ENPP3: variants seen among roughly 807,000 people sequenced by gnomAD.
ENPP3 encodes the protein ectonucleotide pyrophosphatase/phosphodiesterase family member 3.
In ENPP3, 104 loss-of-function variants were observed where a neutral mutation model predicts 117.8. The observed-to-expected ratio is 0.88, with a 90% CI of 0.75 to 1.04. The LOEUF (loss-of-function observed/expected upper bound fraction) is 1.04. ENPP3 is among the 50% of genes least tolerant of loss of function. The pLI is 0.00. For missense variants in ENPP3, 1,026 were observed against 1,051.9 expected, an observed-to-expected ratio of 0.98 and a Z score of 0.34; for synonymous variants, 380 against 349.9, an observed-to-expected ratio of 1.09 and a Z score of -0.96.
intron 15 of ENPP3, among the ~76,000 whole-genome samples, chr6:131,714,824 C>T (rs184049068): frequency 9.6e-4 from 144 of 150,608 alleles, no homozygotes; most frequent in African/African-American, 3.2e-3. Context: ...CATCTTGTTT[C>T]GGCAATTAAA....
At chr6:131,685,525 A>C in intron 13 of ENPP3, 30 bp downstream of exon 13, 2 of 1,603,834 alleles carry the variant, frequency 1.2e-6, no homozygotes, top group Non-Finnish European at 8.5e-7. Context: ...TATGAAAAAA[A>C]GGGTAAACCT....
intron 14 of ENPP3, 29 bp downstream of exon 14, chr6:131,685,936 A>G (rs1253200959): frequency 1.4e-6 from 1 of 697,868 alleles, no homozygotes; most frequent in Non-Finnish European, 2.5e-6. Context: ...TAATACATAT[A>G]TTTAAGTTAA....
chr6:131,720,212 A>C lies in ENPP3; in HGVS notation c.1480-80A>C, dbSNP rs188963084. The C allele has an allele frequency of 2.1e-3, 1,716 of 817,858 alleles. 43 individuals are homozygous for C. The Admixed American group carries it at 0.037, about 18-fold the overall frequency. 50.7% of individuals were successfully genotyped at this position (817,858 alleles called of 1,614,324 possible). On this transcript the variant is annotated intron_variant, in intron 16 of 24. Coordinates refer to ENST00000357639, the MANE Select transcript of ENPP3 (RefSeq NM_005021.5). ...ATACAAATAGGAGAGTAGTTACAGAAGGAAAATTTTGTCTCTTCCTATATT... is the reference window on the plus strand; with the variant it reads ...ATACAAATAGGAGAGTAGTTACAGACGGAAAATTTTGTCTCTTCCTATATT...
At chr6:131,688,636 C>A (rs986833974) in intron 14 of ENPP3, among the ~76,000 whole-genome samples, 1 of 152,086 alleles carries the variant, frequency 6.6e-6, no homozygotes, top group African/African-American at 2.4e-5. Context: ...GTCTTTTAAG[C>A]CAAAACCTAA....
intron 8 of ENPP3, among the ~76,000 whole-genome samples, 189 bp from the exon 9 acceptor site, chr6:131,674,891 C>T (rs1211371186): frequency 2.0e-5 from 3 of 151,964 alleles, no homozygotes; most frequent in Non-Finnish European, 2.9e-5. Flanking sequence ...CCAATTTTAC[C>T]AGTTTGATTG....
At chr6:131,713,381 T>C (rs1392844484) in intron 15 of ENPP3, among the ~76,000 whole-genome samples, 5 of 150,716 alleles carry the variant, frequency 3.3e-5, no homozygotes, top group African/African-American at 1.2e-4. Context: ...GGAGGGTGAA[T>C]CTGACACAAG....
intron 23 of ENPP3, among the ~76,000 whole-genome samples, chr6:131,739,809 G>T (rs552500153): frequency 6.6e-6 from 1 of 150,676 alleles, no homozygotes; most frequent in African/African-American, 2.4e-5. Flanking sequence ...AGTGGCTCAC[G>T]CCTGTCATGC....
chr6:131,692,620 G>A (rs1339953683), intron 14 of ENPP3, among the ~76,000 whole-genome samples: 2 of 148,090 alleles, frequency 1.4e-5, no homozygotes, highest in African/African-American at 4.9e-5. Context: ...CTAGATGTCT[G>A]TCCATTTTCT....
At chr6:131,659,084 A>C (rs1778445462) in intron 6 of ENPP3, among the ~76,000 whole-genome samples, 2 of 152,212 alleles carry the variant, frequency 1.3e-5, no homozygotes, top group Non-Finnish European at 2.9e-5. Context: ...TTTATTATCA[A>C]CTTTATTATA....
At chr6:131,662,762 A>G (rs960557373) in intron 6 of ENPP3, among the ~76,000 whole-genome samples, 12 of 152,254 alleles carry the variant, frequency 7.9e-5, no homozygotes, top group African/African-American at 1.4e-4. Flanking sequence ...CATTGAATCT[A>G]TAGATTGTTT....
At chr6:131,746,755 A>C (rs764912315) in intron 24 of ENPP3, 31 bp from the exon 25 acceptor site, 1 of 1,545,772 alleles carries the variant, frequency 6.5e-7, no homozygotes, top group East Asian at 2.3e-5. Flanking sequence ...CTGCCTTGTG[A>C]AAAAAAAAGT....
At chr6:131,645,079 C>T (rs1033819302) in intron 2 of ENPP3, among the ~76,000 whole-genome samples, 4 of 152,220 alleles carry the variant, frequency 2.6e-5, no homozygotes, top group African/African-American at 9.7e-5. Context: ...CTGTGTGTTA[C>T]TCTTTGGCAT....
At chr6:131,693,271 G>T (rs952047971) in intron 14 of ENPP3, among the ~76,000 whole-genome samples, 1 of 151,360 alleles carries the variant, frequency 6.6e-6, no homozygotes, top group Non-Finnish European at 1.5e-5. Flanking sequence ...CCACCTCCTG[G>T]GTTAAATCAG....
intron 5 of ENPP3, among the ~76,000 whole-genome samples, chr6:131,655,872 C>A (rs188614236): frequency 4.6e-5 from 7 of 152,250 alleles, no homozygotes; most frequent in Admixed American, 4.6e-4. Flanking sequence ...GGACACTGAC[C>A]ATTTCTTACA....
intron 3 of ENPP3, 90 bp from the exon 4 acceptor site, chr6:131,652,451 GT>G: frequency 7.9e-7 from 1 of 1,273,180 alleles, no homozygotes. Context: ...GAATTTGATT[GT>G]GTTATTATAA....
chr6:131,682,052 CA>C (rs1779033414), intron 11 of ENPP3, among the ~76,000 whole-genome samples: 2 of 152,050 alleles, frequency 1.3e-5, no homozygotes, highest in Admixed American at 1.3e-4. Context: ...AGGCTTGTCT[CA>C]AACTCCTGAC....
intron 5 of ENPP3, among the ~76,000 whole-genome samples, chr6:131,655,554 G>T (rs929531397): frequency 6.6e-6 from 1 of 152,190 alleles, no homozygotes; most frequent in African/African-American, 2.4e-5. Context: ...GTAAGGGGCT[G>T]AATAAGGGGA....
Position 131,679,888 on chromosome 6 carries a change from G to A in ENPP3, c.1011+1948G>A, listed in dbSNP as rs1778986240. Among the ~76,000 whole-genome samples the A allele has an allele frequency of 1.3e-5, 2 of 152,218 alleles. 1 individual carries two copies. On this transcript the variant is annotated intron_variant, in intron 11 of 24. Transcript: ENST00000357639. ...CTGCTGTGCCAGAGCTGTTGGACAA[G>A]CTATGAGAATTATCTCCCACCAATG...
intron 1 of ENPP3, chr6:131,638,480 C>T (rs1314230231): frequency 2.2e-6 from 1 of 453,626 alleles, no homozygotes; most frequent in African/African-American, 2.0e-5. Context: ...CTCACCTCAC[C>T]ACAACCTCTG....
Sources: allele counts gnomAD v4.1 joint callset (sites outside exome capture counted in the v4.1 genomes callset), GRCh38; gene constraint gnomAD v4.1.1; transcripts MANE v1.5; gene names NCBI Gene and HGNC (gene_info 2026-07-23, HGNC 2026-07-21).